Variants in CACNA1C observed in about 807,000 individuals in gnomAD.
CACNA1C encodes calcium voltage-gated channel subunit alpha1 C, also known as voltage-dependent L-type calcium channel subunit alpha-1C.
A neutral mutation model predicts 229.0 loss-of-function variants in CACNA1C; 30 were observed. The observed-to-expected ratio is 0.13, with a 90% CI of 0.10 to 0.18. CACNA1C has a LOEUF of 0.18. Among genes scored for constraint, CACNA1C ranks in the 10% least tolerant of loss-of-function variants. The pLI, the probability that CACNA1C is intolerant of heterozygous loss-of-function variation, is 1.00. For missense variants in CACNA1C, 1,658 were observed against 2,845.0 expected (o/e 0.58, Z 9.49); for synonymous variants, 1,114 against 1,132.5 (o/e 0.98, Z 0.33).
chr12:2,138,826 G>A (rs2093831866), intron 3 of CACNA1C, among the ~76,000 whole-genome samples: 1 of 150,844 alleles, frequency 6.6e-6, no homozygotes, highest in Admixed American at 6.7e-5. Context: ...CCTGCCTCAG[G>A]TATTCCTTTA....
At chr12:2,550,174 G>A in intron 10 of CACNA1C, 141 bp downstream of exon 10, 1 of 702,250 alleles carries the variant, frequency 1.4e-6, no homozygotes, top group East Asian at 2.7e-5. Flanking sequence ...AACCTCAGGT[G>A]GGAACCAAGA....
rs540141708 is a variant in CACNA1C at position 2,259,316 on chromosome 12, G to A, written c.477+138886G>A. 5.3e-5 allele frequency among the ~76,000 whole-genome samples: 8 copies of A among 152,284 alleles called. No individual in the cohort carries two copies. In the South Asian group the frequency reaches 1.4e-3, roughly 28 times the overall value. Reference sequence around the variant, plus strand: ...GTGATGTATGCTGAAGTTTGAGACTGGTTAGCTTAAAACAGCCTCTGAGAG... The same window carrying A: ...GTGATGTATGCTGAAGTTTGAGACTAGTTAGCTTAAAACAGCCTCTGAGAG... On this transcript the variant is annotated intron_variant, in intron 3 of 46. Coordinates refer to ENST00000399655, the MANE Select transcript of CACNA1C (RefSeq NM_000719.7).
intron 6 of CACNA1C, among the ~76,000 whole-genome samples, chr12:2,489,971 A>C (rs1390048846): frequency 6.6e-6 from 1 of 152,228 alleles, no homozygotes; most frequent in African/African-American, 2.4e-5. Flanking sequence ...CATTTAAGCA[A>C]ATTTCTCCTC....
chr12:2,443,181 C>A (rs1347273570), intron 3 of CACNA1C, among the ~76,000 whole-genome samples: 1 of 152,136 alleles, frequency 6.6e-6, no homozygotes, highest in South Asian at 2.1e-4. Flanking sequence ...CCTGTAAAAT[C>A]AAAAGCAAGT....
At chr12:2,594,079 CTT>C (rs1430085229) in intron 19 of CACNA1C, among the ~76,000 whole-genome samples, 4 of 152,186 alleles carry the variant, frequency 2.6e-5, no homozygotes, top group African/African-American at 9.7e-5. Flanking sequence ...ACTATGGTTT[CTT>C]TGTGAGTAAC....
intron 30 of CACNA1C, chr12:2,641,533 T>C: frequency 1.7e-6 from 1 of 595,244 alleles, no homozygotes. Flanking sequence ...TGCTGGAGCC[T>C]CCTGTTGCCC....
At chr12:2,686,509 T>C (rs534306190) in intron 45 of CACNA1C, among the ~76,000 whole-genome samples, 1 of 152,336 alleles carries the variant, frequency 6.6e-6, no homozygotes, top group Admixed American at 6.5e-5. Context: ...AGGAGCTCTT[T>C]GTGTGATCCT....
Position 2,308,253 on chromosome 12 carries a change from A to T in CACNA1C, c.478-140723A>T, listed in dbSNP as rs181731193. On this transcript the variant is annotated intron_variant, in intron 3 of 46. Coordinates refer to ENST00000399655, the MANE Select transcript of CACNA1C (RefSeq NM_000719.7). ...ATGATATCATCCTGATAATCTTTTTAAAATTTTTTTTGTTATTGAGATGTA... is the reference window on the plus strand; with the variant it reads ...ATGATATCATCCTGATAATCTTTTTTAAATTTTTTTTGTTATTGAGATGTA... Among the ~76,000 whole-genome samples the T allele has an allele frequency of 2.0e-3, 298 of 152,316 alleles. 1 individual carries two copies. The highest frequency in any genetic ancestry group is 6.9e-3 in the African/African-American group (288 of 41,558).
intron 1 of CACNA1C, among the ~76,000 whole-genome samples, chr12:2,105,928 G>A (rs867556893): frequency 6.6e-4 from 13 of 19,822 alleles, no homozygotes; most frequent in Admixed American, 1.5e-3. Context: ...TCAGCTGGGC[G>A]TCCTGAAGCC....
intron 1 of CACNA1C, among the ~76,000 whole-genome samples, chr12:2,028,310 T>C (rs1420699181): frequency 6.6e-6 from 1 of 152,156 alleles, no homozygotes; most frequent in Non-Finnish European, 1.5e-5. Context: ...TGCTTGTGTA[T>C]TGGGTTTCTA....
intron 3 of CACNA1C, among the ~76,000 whole-genome samples, chr12:2,138,931 T>A (rs1380739930): frequency 1.3e-5 from 2 of 150,536 alleles, no homozygotes; most frequent in Admixed American, 6.7e-5. Flanking sequence ...CTGGCTTTGG[T>A]GCTGCCCTCT....
chr12:2,593,447 C>G (rs2066448691), intron 19 of CACNA1C, 102 bp downstream of exon 19: 1 of 1,220,134 alleles, frequency 8.2e-7, no homozygotes, highest in Admixed American at 2.3e-5. Flanking sequence ...CTGAGACTCT[C>G]CCAGCTCCTT....
chr12:2,246,087 A>G, intron 3 of CACNA1C, among the ~76,000 whole-genome samples: 1 of 152,308 alleles, frequency 6.6e-6, no homozygotes, highest in Non-Finnish European at 1.5e-5. Context: ...GAGTCACCAC[A>G]AAGCACCTGC....
chr12:2,419,099 G>A (rs1055473774), intron 3 of CACNA1C, among the ~76,000 whole-genome samples: 2 of 152,344 alleles, frequency 1.3e-5, no homozygotes, highest in African/African-American at 4.8e-5. Flanking sequence ...TGCAACCCTA[G>A]GCCTCTCTGC....
chr12:2,682,855 A>G, intron 43 of CACNA1C, among the ~76,000 whole-genome samples, 177 bp downstream of exon 43: 1 of 42,962 alleles, frequency 2.3e-5, no homozygotes, highest in Non-Finnish European at 5.5e-5. Flanking sequence ...CCCCCAACAC[A>G]CAACACACAC....
chr12:2,064,048 C>T (rs1400724549), intron 1 of CACNA1C, among the ~76,000 whole-genome samples: 1 of 152,144 alleles, frequency 6.6e-6, no homozygotes, highest in Non-Finnish European at 1.5e-5. Flanking sequence ...GGTATTTAGT[C>T]TGGGCTCCCA....
rs150289585 is a variant in CACNA1C at position 2,503,548 on chromosome 12, G to A, written c.1114-1294G>A. Among the ~76,000 whole-genome samples the A allele has an allele frequency of 2.6e-5, 4 of 152,280 alleles. No homozygotes were observed. In the East Asian group the frequency reaches 7.7e-4, roughly 29 times the overall value. ...TTAAGCATCTCTTCTTAGGGTCAGC[G>A]GGTACAGGGGGCTGATTTATTGCTT... On this transcript the variant is annotated intron_variant, in intron 7 of 46. Coordinates refer to ENST00000399655, the MANE Select transcript of CACNA1C (RefSeq NM_000719.7).
chr12:2,622,068 G>C (rs1475755817), intron 29 of CACNA1C, among the ~76,000 whole-genome samples: 1 of 152,166 alleles, frequency 6.6e-6, no homozygotes, highest in African/African-American at 2.4e-5. Context: ...AAAGGGGTCT[G>C]GAGGCCAAGA....
intron 5 of CACNA1C, among the ~76,000 whole-genome samples, chr12:2,462,417 C>A (rs1342188306): frequency 6.9e-6 from 1 of 144,840 alleles, no homozygotes; most frequent in African/African-American, 2.5e-5. Flanking sequence ...GTTCATCCAC[C>A]CTTCCCTGCT....
Sources: allele counts gnomAD v4.1 joint callset (sites outside exome capture counted in the v4.1 genomes callset), GRCh38; gene constraint gnomAD v4.1.1; transcripts MANE v1.5; gene names NCBI Gene and HGNC (gene_info 2026-07-23, HGNC 2026-07-21).